The following C12orf50 variants were observed in gnomAD, a reference collection of about 807,000 sequenced individuals.
The protein encoded by C12orf50 is zinc finger CCCH-type containing 11D.
A neutral mutation model predicts 61.6 loss-of-function variants in C12orf50; 35 were observed. The ratio of observed to expected loss-of-function variants is 0.57; its 90% confidence interval spans 0.43 to 0.75. C12orf50 has a LOEUF of 0.75. Ranked by LOEUF, C12orf50 falls within the 30% of genes least tolerant of loss-of-function variation. The pLI is 0.00. For synonymous variants in C12orf50, 178 were observed against 161.5 expected, an observed-to-expected ratio of 1.10 and a Z score of -0.77; for missense variants, 475 against 488.5, an observed-to-expected ratio of 0.97 and a Z score of 0.26.
rs1592690550 is a variant in C12orf50, at chr12:88,026,813, T to C, written c.12+138A>G. The C allele has an allele frequency of 7.2e-6, 10 of 1,386,118 alleles. No homozygotes were observed. The East Asian group carries it at 2.4e-4, about 33-fold the overall frequency. 85.9% of individuals were successfully genotyped at this position (1,386,118 alleles called of 1,614,324 possible). ...TTCTAAAACATGTTCCTCCATTAAG[T>C]TGAAAAAATTGCAAAATGCCTAAAA... is the stretch of plus-strand genomic sequence containing the variant. On this transcript the variant is annotated intron_variant, in intron 2 of 12. Transcript: ENST00000298699.
intron 3 of C12orf50, among the ~76,000 whole-genome samples, chr12:88,020,778 A>T (rs976073387): frequency 3.9e-5 from 6 of 151,992 alleles, no homozygotes; most frequent in Non-Finnish European, 8.8e-5. Flanking sequence ...CTGACCATAC[A>T]TTTGGACATA....
chr12:87,998,053 C>G lies in C12orf50; in HGVS notation c.271G>C (p.Glu91Gln). Reference sequence around the variant, plus strand: ...TACTAACCATTTTGTTCATCTACTTCCTCTTCTTCCTCAAAATTAGTTTTT... The same window carrying G: ...TACTAACCATTTTGTTCATCTACTTGCTCTTCTTCCTCAAAATTAGTTTTT... ...VLKTNFEEEE[E>Q]VDEQNDASSL... The change falls in exon 4 of 13, where the codon GAA (glutamate) becomes CAA (glutamine). Residue 91 changes from glutamate to glutamine, a missense_variant. Glu to Gln is a conservative substitution (Grantham distance 29, BLOSUM62 2). Coordinates refer to ENST00000298699, the MANE Select transcript of C12orf50 (RefSeq NM_152589.3). 1 of 1,610,332 alleles carries G rather than the reference C, an allele frequency of 6.2e-7. No homozygotes were observed. Among genetic ancestry groups the G allele is most frequent in the Non-Finnish European group, 8.5e-7 (1 of 1,178,262 alleles).
At chr12:88,000,610 TA>T (rs2136439974) in intron 3 of C12orf50, among the ~76,000 whole-genome samples, 1 of 152,080 alleles carries the variant, frequency 6.6e-6, no homozygotes, top group South Asian at 2.1e-4. Flanking sequence ...AATTCTACAT[TA>T]AACCTGTGGA....
intron 10 of C12orf50, 79 bp from the exon 11 acceptor site, chr12:87,986,132 A>G (rs1004693798): frequency 1.4e-6 from 2 of 1,470,838 alleles, no homozygotes. Context: ...CACTGCAAAT[A>G]CTTCATAGCA....
intron 7 of C12orf50, among the ~76,000 whole-genome samples, chr12:87,989,836 G>T (rs142262816): frequency 3.2e-4 from 48 of 152,026 alleles, no homozygotes; most frequent in African/African-American, 8.7e-4. Flanking sequence ...TAACATATTT[G>T]TTTCAAATAA....
intron 1 of C12orf50, chr12:88,027,911 C>T (rs1029569698): frequency 1.3e-5 from 2 of 152,078 alleles, no homozygotes; most frequent in African/African-American, 4.8e-5. Flanking sequence ...AAAGTAGATC[C>T]ATATACTCTC....
chr12:87,997,944 A>T, intron 4 of C12orf50, 91 bp downstream of exon 4: 1 of 991,440 alleles, frequency 1.0e-6, no homozygotes, highest in Non-Finnish European at 1.4e-6. Flanking sequence ...TGCCTTATAT[A>T]TTACATCATA....
chr12:88,014,629 T>C (rs60482375), intron 3 of C12orf50, among the ~76,000 whole-genome samples: 7,650 of 152,222 alleles, frequency 0.05, 672 homozygotes, highest in African/African-American at 0.18. Flanking sequence ...CAGCACTATG[T>C]TTGAATTCAG....
intron 12 of C12orf50, among the ~76,000 whole-genome samples, chr12:87,982,282 A>G (rs2030526454): frequency 1.3e-5 from 2 of 152,158 alleles, no homozygotes; most frequent in South Asian, 4.1e-4. Context: ...TGATCAATTA[A>G]ATAGCACTGC....
rs555804771 is a variant in C12orf50, at chr12:88,017,865, T to C, written c.133+8623A>G. ...TGAATTTAAGAGAGATAATTTAAGG[T>C]ATCTGGCAGAAGAAATTTCTAAGCA... On this transcript the variant is annotated intron_variant, in intron 3 of 12. Coordinates refer to ENST00000298699, the MANE Select transcript of C12orf50 (RefSeq NM_152589.3). Among the ~76,000 whole-genome samples the C allele has an allele frequency of 2.0e-5, 3 of 152,130 alleles. No individual in the cohort carries two copies. The South Asian group carries it at 6.2e-4, about 32-fold the overall frequency.
At position 88,016,773 on chromosome 12, in the gene C12orf50, C is replaced by A. The variant is rs1330783365; in HGVS notation, c.133+9715G>T. Among the ~76,000 whole-genome samples the A allele has an allele frequency of 2.6e-5, 4 of 152,124 alleles. No homozygotes were observed. In the South Asian group the frequency reaches 8.3e-4, roughly 32 times the overall value. ...AAGATTCTTGCTCTTATGGTACTTTCATTCTATAGGGAGGAGTCACACAAC... is the reference window on the plus strand; with the variant it reads ...AAGATTCTTGCTCTTATGGTACTTTAATTCTATAGGGAGGAGTCACACAAC... On this transcript the variant is annotated intron_variant, in intron 3 of 12. Transcript: ENST00000298699.
At chr12:87,983,227 T>C (rs1298094344) in intron 11 of C12orf50, 32 bp from the exon 12 acceptor site, 1 of 1,426,794 alleles carries the variant, frequency 7.0e-7, no homozygotes, top group South Asian at 1.2e-5. Flanking sequence ...TTAAATATTT[T>C]ATAACTTTAA....
At chr12:87,999,954 A>T (rs1010091461) in intron 3 of C12orf50, among the ~76,000 whole-genome samples, 13 of 152,174 alleles carry the variant, frequency 8.5e-5, no homozygotes, top group Non-Finnish European at 1.8e-4. Context: ...GATTCCATTT[A>T]TACAAAATAT....
intron 7 of C12orf50, among the ~76,000 whole-genome samples, chr12:87,993,446 T>G (rs991570483): frequency 6.6e-6 from 1 of 152,206 alleles, no homozygotes; most frequent in African/African-American, 2.4e-5. Context: ...TAGCTAAAAC[T>G]TATTGCTTCA....
At chr12:88,014,797 G>A (rs1012805859) in intron 3 of C12orf50, among the ~76,000 whole-genome samples, 9 of 152,112 alleles carry the variant, frequency 5.9e-5, no homozygotes, top group African/African-American at 1.4e-4. Flanking sequence ...CCAGCATAGC[G>A]CTGCCACACG....
At chr12:88,022,534 A>G (rs538477614) in intron 3 of C12orf50, among the ~76,000 whole-genome samples, 22 of 152,268 alleles carry the variant, frequency 1.4e-4, no homozygotes, top group African/African-American at 5.3e-4. Context: ...GAAAGAAAAG[A>G]CATCCAAATA....
intron 3 of C12orf50, among the ~76,000 whole-genome samples, chr12:88,017,172 T>C (rs1430830288): frequency 1.3e-5 from 2 of 152,218 alleles, no homozygotes; most frequent in Non-Finnish European, 2.9e-5. Flanking sequence ...GAATTGTAAC[T>C]TCCCAAATTC....
intron 3 of C12orf50, among the ~76,000 whole-genome samples, chr12:88,014,185 G>A (rs2032219442): frequency 6.6e-6 from 1 of 152,078 alleles, no homozygotes; most frequent in Non-Finnish European, 1.5e-5. Context: ...CCCCTCAGAA[G>A]GCAGAAGACA....
chr12:88,026,799 G>A (rs2032723968), intron 2 of C12orf50, 152 bp downstream of exon 2: 1 of 1,320,870 alleles, frequency 7.6e-7, no homozygotes, highest in East Asian at 2.4e-5. Flanking sequence ...TCTAAAACAT[G>A]TTCCTCCATT....
Sources: gnomAD v4.1 joint callset for allele counts (sites outside exome capture counted in the v4.1 genomes callset) on GRCh38, gnomAD v4.1.1 for gene constraint, MANE v1.5 for transcripts, NCBI Gene and HGNC (gene_info 2026-07-23, HGNC 2026-07-21) for gene names.